CATSPERD: variants seen among roughly 807,000 people sequenced by gnomAD.
The protein encoded by CATSPERD is cation channel sperm-associated auxiliary subunit delta.
CATSPERD carries 86 observed loss-of-function variants against 98.1 expected under a neutral mutation model. The observed-to-expected ratio is 0.88, with a 90% confidence interval of 0.74 to 1.05. The LOEUF is 1.05. Among genes scored for constraint, CATSPERD ranks in the 50% least tolerant of loss-of-function variants. The probability of loss-of-function intolerance (pLI) is 0.00; values close to 1 mark genes in which losing one functional copy is unlikely to be tolerated. For missense variants in CATSPERD, 995 were observed against 1,005.7 expected (o/e 0.99, Z 0.14); for synonymous variants, 394 against 390.2 (o/e 1.01, Z -0.12).
chr19:5,723,277 G>C (rs188456878), intron 1 of CATSPERD, among the ~76,000 whole-genome samples: 160 of 151,766 alleles, frequency 1.1e-3, no homozygotes, highest in African/African-American at 3.8e-3. Context: ...TTCTGGGAGA[G>C]GAGTTTCATA....
intron 3 of CATSPERD, among the ~76,000 whole-genome samples, chr19:5,729,118 A>G (rs1443875819): frequency 6.6e-6 from 1 of 150,614 alleles, no homozygotes; most frequent in African/African-American, 2.4e-5. Flanking sequence ...TTTTTGAGAC[A>G]ATGTTTCACT....
At chr19:5,768,315 A>C in intron 18 of CATSPERD, 73 bp downstream of exon 18, 1 of 1,097,078 alleles carries the variant, frequency 9.1e-7, no homozygotes. Flanking sequence ...AGAGCAAATT[A>C]GGAATTTTAT....
chr19:5,731,091 CAAAAA>C (rs762460181), intron 4 of CATSPERD, among the ~76,000 whole-genome samples: 1 of 75,110 alleles, frequency 1.3e-5, no homozygotes, highest in African/African-American at 5.3e-5. Context: ...GACTCCGTCT[CAAAAA>C]AAAAAAAAAA....
At chr19:5,746,110 C>CG in intron 9 of CATSPERD, 47 bp downstream of exon 9, 1 of 1,606,762 alleles carries the variant, frequency 6.2e-7, no homozygotes, top group Non-Finnish European at 8.5e-7. Context: ...TGGCCTCCTC[C>CG]AGAGGGGCCG....
At position 5,742,167 on chromosome 19, in the gene CATSPERD, C is replaced by T. The variant is rs77478036; in HGVS notation, c.574-2260C>T. On this transcript the variant is annotated intron_variant, in intron 7 of 21. Coordinates refer to ENST00000381624, the MANE Select transcript of CATSPERD (RefSeq NM_152784.4). Reference sequence around the variant, plus strand: ...GTGTACGTGTGTGAACGTGTGTGTGCGTGTGTGTATGTATGTGAACGTGTG... The same window carrying T: ...GTGTACGTGTGTGAACGTGTGTGTGTGTGTGTGTATGTATGTGAACGTGTG... Among the ~76,000 whole-genome samples the T allele has an allele frequency of 4.8e-5, 7 of 145,330 alleles. No homozygotes were observed. In the East Asian group the frequency reaches 7.9e-4, roughly 16 times the overall value.
At chr19:5,742,209 CATGTGTGTACAT>C (rs1568350721) in intron 7 of CATSPERD, among the ~76,000 whole-genome samples, 16 of 47,760 alleles carry the variant, frequency 3.4e-4, no homozygotes, top group Admixed American at 3.1e-3. Flanking sequence ...TACATGTGTG[CATGTGTGTACAT>C]GTGTGTGCGT....
At chr19:5,758,180 A>C (rs925369487) in intron 14 of CATSPERD, among the ~76,000 whole-genome samples, 8 of 151,972 alleles carry the variant, frequency 5.3e-5, no homozygotes, top group Non-Finnish European at 1.2e-4. Flanking sequence ...CGGAGATCTG[A>C]GTTAGTTGGG....
chr19:5,759,028 T>C, intron 14 of CATSPERD, 58 bp from the exon 15 acceptor site: 1 of 1,517,764 alleles, frequency 6.6e-7, no homozygotes, highest in South Asian at 1.1e-5. Context: ...TGTCCTGAGT[T>C]GGGGATGCCC....
At position 5,778,358 on chromosome 19, in the gene CATSPERD, C is replaced by T. The variant is rs764832889; in HGVS notation, c.2097-18C>T. On this transcript the variant is annotated intron_variant, in intron 21 of 21. Transcript: ENST00000381624. ...AAGGCAATGCCCAACAGCCTCTCCC[C>T]GCCTCCCCCCACCGCAGCTACTGTC... 39 of 1,585,412 alleles carry T rather than the reference C, an allele frequency of 2.5e-5. No individual in the cohort carries two copies. The highest frequency in any genetic ancestry group is 3.2e-5 in the Non-Finnish European group (37 of 1,163,180).
chr19:5,750,438 G>C (rs545425801), intron 11 of CATSPERD, among the ~76,000 whole-genome samples: 6 of 109,608 alleles, frequency 5.5e-5, no homozygotes, highest in African/African-American at 1.8e-4. Flanking sequence ...GTGACTGAGC[G>C]AGACTCTGTC....
intron 12 of CATSPERD, among the ~76,000 whole-genome samples, chr19:5,752,902 C>T (rs2056247713): frequency 6.6e-6 from 1 of 151,730 alleles, no homozygotes; most frequent in African/African-American, 2.4e-5. Flanking sequence ...CTGGCACATG[C>T]TTGTAATCCC....
At chr19:5,733,768 T>C (rs2055783627) in intron 4 of CATSPERD, 88 bp from the exon 5 acceptor site, 11 of 949,668 alleles carry the variant, frequency 1.2e-5, no homozygotes, top group Non-Finnish European at 1.8e-5. Context: ...ACATTTTTTT[T>C]TTTTCAATGC....
chr19:5,755,507 C>T (rs778112361), intron 13 of CATSPERD, among the ~76,000 whole-genome samples: 3 of 152,044 alleles, frequency 2.0e-5, no homozygotes, highest in Admixed American at 2.0e-4. Context: ...CGGTGGCTCC[C>T]GCCCGTAATT....
At chr19:5,767,806 T>C (rs2145848459) in intron 17 of CATSPERD, among the ~76,000 whole-genome samples, 1 of 146,420 alleles carries the variant, frequency 6.8e-6, no homozygotes, top group Middle Eastern at 4.1e-3. Flanking sequence ...TTTTTATCGA[T>C]TTATTTTTGA....
intron 14 of CATSPERD, among the ~76,000 whole-genome samples, chr19:5,758,556 C>G (rs1266771125): frequency 3.6e-5 from 5 of 140,540 alleles, no homozygotes; most frequent in Admixed American, 7.6e-5. Flanking sequence ...GGTGAAACCC[C>G]GTCTCTACTA....
intron 13 of CATSPERD, among the ~76,000 whole-genome samples, chr19:5,756,711 G>A (rs551688222): frequency 5.3e-5 from 8 of 152,012 alleles, no homozygotes; most frequent in Non-Finnish European, 1.0e-4. Flanking sequence ...TTGGGAGGCC[G>A]AGGTGGGGGG....
intron 11 of CATSPERD, 115 bp from the exon 12 acceptor site, chr19:5,751,532 A>T (rs2056219960): frequency 3.1e-4 from 1 of 3,264 alleles, no homozygotes; most frequent in Non-Finnish European, 9.5e-4. Context: ...AGACTCCATC[A>T]AAAAAAAAAA....
intron 20 of CATSPERD, 64 bp from the exon 21 acceptor site, chr19:5,776,097 G>T: frequency 1.3e-6 from 2 of 1,556,080 alleles, no homozygotes; most frequent in Non-Finnish European, 1.8e-6. Context: ...CCGCAGGGAG[G>T]AGGGAGGCTC....
Position 5,728,369 on chromosome 19 carries a change from A to G in CATSPERD, c.203+1025A>G, listed in dbSNP as rs972234722. Among the ~76,000 whole-genome samples, 74 of 150,574 alleles carry G rather than the reference A, an allele frequency of 4.9e-4. 1 individual carries two copies. The highest frequency in any genetic ancestry group is 1.1e-3 in the African/African-American group (45 of 40,918). On this transcript the variant is annotated intron_variant, in intron 3 of 21. Transcript: ENST00000381624. ...GAGACTCTGTCTCAAAAAAAAAAAAAAAAAAGAAAAAGAAAAGAAAAGAAA... is the reference window on the plus strand; with the variant it reads ...GAGACTCTGTCTCAAAAAAAAAAAAGAAAAAGAAAAAGAAAAGAAAAGAAA...
Sources: allele counts gnomAD v4.1 joint callset (sites outside exome capture counted in the v4.1 genomes callset), GRCh38; gene constraint gnomAD v4.1.1; transcripts MANE v1.5; gene names NCBI Gene and HGNC (gene_info 2026-07-23, HGNC 2026-07-21).